The following STIM2 variants were observed in gnomAD, a reference collection of about 807,000 sequenced individuals.
The protein encoded by STIM2 is stromal interaction molecule 2.
STIM2 carries 31 observed loss-of-function variants against 85.8 expected under a neutral mutation model. That is an observed-to-expected ratio of 0.36 (90% CI 0.27 to 0.49). The LOEUF is 0.49. Among genes scored for constraint, STIM2 ranks in the 20% least tolerant of loss-of-function variants. STIM2 has a pLI of 0.98. For missense variants in STIM2, 841 were observed against 927.6 expected (o/e 0.91, Z 1.21); for synonymous variants, 356 against 331.1 (o/e 1.08, Z -0.82).
intron 1 of STIM2, among the ~76,000 whole-genome samples, chr4:26,886,906 C>A (rs370898880): frequency 6.6e-6 from 1 of 152,040 alleles, no homozygotes; most frequent in African/African-American, 2.4e-5. Context: ...GGCTTTTGTC[C>A]GGGGAGAGAA....
At position 27,008,842 on chromosome 4, in the gene STIM2, T is replaced by A. The variant is rs1407601779; in HGVS notation, c.1329T>A (p.Phe443Leu). The A allele has an allele frequency of 6.2e-7, 1 of 1,614,184 alleles. No individual in the cohort carries two copies. Among genetic ancestry groups the A allele is most frequent in the Non-Finnish European group, 8.5e-7 (1 of 1,180,022 alleles). ...AACAAATTGAGAAGATCTGTGGCTT[T>A]CAGATAGCCCATAACTCAGGACTCC... The change falls in exon 10 of 12, where the codon TTT becomes TTA. Residue 443 changes from phenylalanine (F) to leucine (L), a missense_variant. Physicochemically the swap from Phe to Leu is conservative, Grantham distance 22. Coordinates refer to ENST00000467087, the MANE Select transcript of STIM2 (RefSeq NM_020860.4).
At chr4:26,894,721 A>C (rs562784827) in intron 1 of STIM2, among the ~76,000 whole-genome samples, 1 of 152,226 alleles carries the variant, frequency 6.6e-6, no homozygotes, top group South Asian at 2.1e-4. Flanking sequence ...ATATGTCTTA[A>C]TATTTGGTAT....
intron 3 of STIM2, among the ~76,000 whole-genome samples, chr4:26,994,406 CA>C (rs1727880853): frequency 6.6e-6 from 1 of 152,062 alleles, no homozygotes; most frequent in Non-Finnish European, 1.5e-5. Flanking sequence ...GCATTATCCC[CA>C]GAATATATCC....
At chr4:26,978,601 G>C (rs1727281360) in intron 3 of STIM2, among the ~76,000 whole-genome samples, 1 of 152,102 alleles carries the variant, frequency 6.6e-6, no homozygotes, top group African/African-American at 2.4e-5. Flanking sequence ...AGTCTTGCCT[G>C]CCTGTTCTAG....
intron 10 of STIM2, among the ~76,000 whole-genome samples, chr4:27,012,340 G>T (rs1052426888): frequency 6.6e-6 from 1 of 151,860 alleles, no homozygotes; most frequent in Non-Finnish European, 1.5e-5. Flanking sequence ...TTTTGAATTT[G>T]TGAATTTATT....
At chr4:26,909,901 G>C (rs114026318) in intron 1 of STIM2, among the ~76,000 whole-genome samples, 150 of 152,300 alleles carry the variant, frequency 9.8e-4, no homozygotes, top group African/African-American at 3.0e-3. Context: ...AAGGGCCAGT[G>C]CTGCTTGGAA....
At chr4:26,873,652 G>T in intron 1 of STIM2, 2 of 650,128 alleles carry the variant, frequency 3.1e-6, no homozygotes, top group South Asian at 3.0e-5. Context: ...ATAAATGAGA[G>T]AGACGCTCAT....
At chr4:26,928,935 G>T (rs1354296326) in intron 2 of STIM2, among the ~76,000 whole-genome samples, 2 of 152,092 alleles carry the variant, frequency 1.3e-5, no homozygotes, top group African/African-American at 4.8e-5. Flanking sequence ...CTATTTAAAT[G>T]CAAACACAAC....
intron 1 of STIM2, among the ~76,000 whole-genome samples, chr4:26,871,203 C>A (rs1281456221): frequency 6.6e-6 from 1 of 152,062 alleles, no homozygotes; most frequent in Non-Finnish European, 1.5e-5. Context: ...CTTAGAGAAT[C>A]CCTGTGAGGT....
chr4:26,996,007 A>C (rs79734489), intron 4 of STIM2, among the ~76,000 whole-genome samples: 4 of 152,028 alleles, frequency 2.6e-5, no homozygotes, highest in African/African-American at 7.2e-5. Context: ...TTTAACCCTC[A>C]TGATTAAAAT....
At chr4:26,959,081 C>G (rs981380639) in intron 3 of STIM2, among the ~76,000 whole-genome samples, 1 of 152,186 alleles carries the variant, frequency 6.6e-6, no homozygotes, top group African/African-American at 2.4e-5. Flanking sequence ...GCTGTAGTCT[C>G]TTCTTCACCT....
chr4:26,869,868 A>G (rs974554407), intron 1 of STIM2, among the ~76,000 whole-genome samples: 3 of 151,550 alleles, frequency 2.0e-5, no homozygotes, highest in African/African-American at 7.3e-5. Flanking sequence ...TGTTCTTTTC[A>G]GCATTTTTCA....
intron 11 of STIM2, among the ~76,000 whole-genome samples, chr4:27,018,992 G>A (rs544941150): frequency 2.0e-5 from 3 of 152,302 alleles, no homozygotes; most frequent in South Asian, 2.1e-4. Flanking sequence ...TAGCAGCAGC[G>A]TATTTCAGTC....
At chr4:26,983,399 C>T (rs1577478938) in intron 3 of STIM2, among the ~76,000 whole-genome samples, 1 of 152,276 alleles carries the variant, frequency 6.6e-6, no homozygotes, top group East Asian at 1.9e-4. Context: ...ATTAGTTAAA[C>T]CACTGCTATG....
At chr4:26,996,164 AGTT>A (rs753767703) in intron 4 of STIM2, among the ~76,000 whole-genome samples, 6 of 152,034 alleles carry the variant, frequency 3.9e-5, no homozygotes, top group Non-Finnish European at 7.4e-5. Flanking sequence ...GTCTGAATCC[AGTT>A]GTTCTCTAAA....
At chr4:26,873,831 G>A (rs767675346) in intron 1 of STIM2, 25 of 946,930 alleles carry the variant, frequency 2.6e-5, no homozygotes, top group Non-Finnish European at 1.7e-5. Context: ...CGCCTCAACC[G>A]CCGTAGTGGG....
intron 7 of STIM2, among the ~76,000 whole-genome samples, chr4:27,006,351 C>T (rs1728331303): frequency 6.6e-6 from 1 of 152,170 alleles, no homozygotes; most frequent in Admixed American, 6.5e-5. Flanking sequence ...TATTCTGGCA[C>T]ACTATAAAGT....
At chr4:26,975,346 T>C (rs1317077276) in intron 3 of STIM2, among the ~76,000 whole-genome samples, 2 of 152,234 alleles carry the variant, frequency 1.3e-5, no homozygotes, top group African/African-American at 4.8e-5. Context: ...TTTTCAGCTT[T>C]TCTGCTCTGG....
chr4:26,896,199 A>T (rs1723693813), intron 1 of STIM2, among the ~76,000 whole-genome samples: 1 of 152,242 alleles, frequency 6.6e-6, no homozygotes, highest in Admixed American at 6.5e-5. Flanking sequence ...TGCGCCTTCC[A>T]GGCCAGCAGG....
Sources: gnomAD v4.1 joint callset for allele counts (sites outside exome capture counted in the v4.1 genomes callset) on GRCh38, gnomAD v4.1.1 for gene constraint, MANE v1.5 for transcripts, NCBI Gene and HGNC (gene_info 2026-07-23, HGNC 2026-07-21) for gene names.